Variants in IFI16 observed in about 807,000 individuals in gnomAD.
IFI16 encodes the protein interferon gamma inducible protein 16.
In IFI16, 49 loss-of-function variants were observed where a neutral mutation model predicts 68.4. That is an observed-to-expected ratio of 0.72 (90% CI 0.57 to 0.91). The LOEUF (loss-of-function observed/expected upper bound fraction) is 0.91. Among genes scored for constraint, IFI16 ranks in the 40% least tolerant of loss-of-function variants. IFI16 has a pLI of 0.00. For synonymous variants in IFI16, 307 were observed against 315.0 expected, an observed-to-expected ratio of 0.97 and a Z score of 0.27; for missense variants, 878 against 942.9, an observed-to-expected ratio of 0.93 and a Z score of 0.90.
intron 7 of IFI16, among the ~76,000 whole-genome samples, chr1:159,044,011 T>C (rs536434901): frequency 1.3e-5 from 2 of 152,252 alleles, no homozygotes; most frequent in East Asian, 1.9e-4. Context: ...GCATGAAATA[T>C]CTGTTCACCG....
At chr1:159,013,927 T>C (rs2101805753) in intron 1 of IFI16, among the ~76,000 whole-genome samples, 1 of 152,302 alleles carries the variant, frequency 6.6e-6, no homozygotes, top group Admixed American at 6.5e-5. Flanking sequence ...CAGTGGAATA[T>C]AAATGTGGCT....
At chr1:159,036,546 T>C (rs1012038773) in intron 7 of IFI16, among the ~76,000 whole-genome samples, 28 of 152,240 alleles carry the variant, frequency 1.8e-4, no homozygotes, top group African/African-American at 6.3e-4. Flanking sequence ...AATGATCATA[T>C]ACTGCTTCCA....
chr1:159,032,881 A>C (rs530546624), intron 7 of IFI16, among the ~76,000 whole-genome samples, 190 bp downstream of exon 7: 4 of 152,134 alleles, frequency 2.6e-5, no homozygotes, highest in African/African-American at 9.6e-5. Flanking sequence ...TTACTATCTA[A>C]AAGGCATTCA....
intron 7 of IFI16, among the ~76,000 whole-genome samples, chr1:159,040,851 G>A (rs1162541863): frequency 6.6e-6 from 1 of 152,188 alleles, no homozygotes; most frequent in Non-Finnish European, 1.5e-5. Context: ...ATTCACATAT[G>A]AGAACACTAG....
chr1:159,046,595 A>G (rs1571889520), intron 8 of IFI16, among the ~76,000 whole-genome samples: 1 of 151,180 alleles, frequency 6.6e-6, no homozygotes, highest in South Asian at 2.1e-4. Context: ...TTTCTTTGCA[A>G]TCCTTTCTCT....
intron 4 of IFI16, among the ~76,000 whole-genome samples, chr1:159,016,959 G>A (rs1652971948): frequency 6.6e-6 from 1 of 152,132 alleles, no homozygotes; most frequent in Non-Finnish European, 1.5e-5. Context: ...GTCAGCTGTG[G>A]GCTCACTGTC....
At chr1:159,006,168 T>C (rs1055650481), upstream of IFI16, 14 of 152,286 alleles carry the variant, frequency 9.2e-5, no homozygotes, top group Non-Finnish European at 1.6e-4. Context: ...CCCCACACTT[T>C]GAGACGAATT....
intron 4 of IFI16, 25 bp from the exon 5 acceptor site, chr1:159,018,204 T>C: frequency 6.3e-7 from 1 of 1,591,008 alleles, no homozygotes; most frequent in Non-Finnish European, 8.6e-7. Flanking sequence ...CATTTTTCTT[T>C]GTTCTCCTGT....
At chr1:159,054,127 G>A (rs1655535628) in intron 11 of IFI16, among the ~76,000 whole-genome samples, 1 of 152,180 alleles carries the variant, frequency 6.6e-6, no homozygotes, top group Non-Finnish European at 1.5e-5. Flanking sequence ...GTCTACCATA[G>A]AGGGTCATCA....
intron 8 of IFI16, among the ~76,000 whole-genome samples, chr1:159,046,989 C>CTTGCCTT (rs3835724): frequency 0.17 from 26,349 of 150,826 alleles, 3,310 homozygotes; most frequent in East Asian, 0.3. Context: ...CTTATCCCAG[C>CTTGCCTT]TTGCCTTTTG....
intron 6 of IFI16, among the ~76,000 whole-genome samples, chr1:159,025,325 A>G (rs977137485): frequency 1.2e-3 from 188 of 152,226 alleles, no homozygotes; most frequent in African/African-American, 4.3e-3. Context: ...CACCCTCGGG[A>G]CTTAAAAAAA....
chr1:159,009,576 T>C (rs1003707040), upstream of IFI16, among the ~76,000 whole-genome samples: 13 of 152,224 alleles, frequency 8.5e-5, no homozygotes, highest in Admixed American at 2.6e-4. Context: ...ATGACTCACA[T>C]GTAAGTCTGC....
chr1:159,036,702 A>G (rs555982114), intron 7 of IFI16, among the ~76,000 whole-genome samples: 4 of 152,270 alleles, frequency 2.6e-5, no homozygotes, highest in Non-Finnish European at 4.4e-5. Context: ...GTATCATCCT[A>G]TGTTTTACAT....
upstream of IFI16, among the ~76,000 whole-genome samples, chr1:159,001,424 T>G (rs1395890386): frequency 6.6e-6 from 1 of 152,230 alleles, no homozygotes; most frequent in Non-Finnish European, 1.5e-5. Flanking sequence ...TAATATGAAC[T>G]TATTATTTTT....
rs912956424 is a variant in IFI16 at position 159,055,068 on chromosome 1, GT to G, written c.*176del. The G allele has an allele frequency of 4.1e-4, 161 of 396,348 alleles. No individual in the cohort carries two copies. The highest frequency in any genetic ancestry group is 3.4e-3 in the Middle Eastern group (5 of 1,486). 24.6% of individuals were successfully genotyped at this position (396,348 alleles called of 1,614,324 possible). A position where few individuals can be genotyped will look rare whatever the true frequency, so the allele number is the denominator to read the frequency against. On this transcript the variant is annotated 3_prime_UTR_variant, in exon 12 of 12. Coordinates refer to ENST00000295809, the MANE Select transcript of IFI16 (RefSeq NM_001376587.1). ...GGGAGTGCTTTTTTAATTTTTCATAGTTTTTTTTTAATAAAATGGCATATTT... is the reference window on the plus strand; with the variant it reads ...GGGAGTGCTTTTTTAATTTTTCATAGTTTTTTTTAATAAAATGGCATATTT...
At chr1:159,018,964 A>T (rs572654861) in intron 5 of IFI16, among the ~76,000 whole-genome samples, 1 of 152,328 alleles carries the variant, frequency 6.6e-6, no homozygotes, top group African/African-American at 2.4e-5. Flanking sequence ...GTCTACATCC[A>T]TACACACATG....
chr1:159,018,631 G>T lies in IFI16; in HGVS notation c.952G>T (p.Gly318Trp). 1 of 1,609,994 alleles carries T rather than the reference G, an allele frequency of 6.2e-7. No homozygotes were observed. The highest frequency in any genetic ancestry group is 8.5e-7 in the Non-Finnish European group (1 of 1,178,102). The change falls in exon 5 of 12, where the codon GGG (glycine) becomes TGG (tryptophan). Residue 318 changes from glycine to tryptophan, a missense_variant. Around this residue, in one of 4 missense-constraint regions of IFI16, gnomAD observed 443 missense variants for 421.8 expected, o/e 1.05. Coordinates refer to ENST00000295809, the MANE Select transcript of IFI16 (RefSeq NM_001376587.1). ...HKQASGNIVY[G>W]VFMLHKKTVN... ...ACAAGCTTCAGGAAATATTGTATAT[G>T]GGGTATTTATGCTACATAAGGTAAG...
chr1:159,021,245 C>A (rs531807449), intron 6 of IFI16, among the ~76,000 whole-genome samples: 39 of 152,134 alleles, frequency 2.6e-4, no homozygotes. Context: ...TTATCCCTCA[C>A]CCCCCTCCCA....
chr1:159,009,063 T>C (rs1199734196), upstream of IFI16: 1 of 152,178 alleles, frequency 6.6e-6, no homozygotes. Context: ...AAAAATACAC[T>C]GCTGAGCAGA....
Sources: gnomAD v4.1 joint callset for allele counts (sites outside exome capture counted in the v4.1 genomes callset) on GRCh38, gnomAD v4.1.1 for gene constraint, gnomAD v4.1.1 regional missense constraint, MANE v1.5 for transcripts, NCBI Gene and HGNC (gene_info 2026-07-23, HGNC 2026-07-21) for gene names.